The following DUSP22 variants were observed in gnomAD, a reference collection of about 807,000 sequenced individuals.
DUSP22 encodes the protein dual specificity phosphatase 22, also known as dual specificity protein phosphatase 22.
A neutral mutation model predicts 24.5 loss-of-function variants in DUSP22; 24 were observed. The ratio of observed to expected loss-of-function variants is 0.98; its 90% CI spans 0.71 to 1.38. The LOEUF (loss-of-function observed/expected upper bound fraction) is 1.38. Ranked by LOEUF, DUSP22 falls within the 40% of genes most tolerant of loss-of-function variation. The probability of loss-of-function intolerance (pLI) is 0.00; values close to 1 mark genes in which losing one functional copy is unlikely to be tolerated. For missense variants in DUSP22, 330 were observed against 269.2 expected (o/e 1.23, Z -1.58); for synonymous variants, 160 against 106.4 (o/e 1.50, Z -3.10).
At chr6:302,146 G>A (rs755898043) in intron 1 of DUSP22, among the ~76,000 whole-genome samples, 7 of 152,304 alleles carry the variant, frequency 4.6e-5, no homozygotes, top group Admixed American at 1.3e-4. Context: ...TCGCCGTCAC[G>A]GAGGTGAGCA....
At chr6:330,774 C>T (rs1405582401) in intron 3 of DUSP22, among the ~76,000 whole-genome samples, 1 of 152,304 alleles carries the variant, frequency 6.6e-6, no homozygotes, top group Non-Finnish European at 1.5e-5. Flanking sequence ...TTGTTTCTTT[C>T]AAAACCTAAA....
chr6:335,908 C>T (rs1411460994), intron 4 of DUSP22, among the ~76,000 whole-genome samples: 1 of 152,300 alleles, frequency 6.6e-6, no homozygotes, highest in African/African-American at 2.4e-5. Flanking sequence ...GCAGAATAAA[C>T]CTTTGATGTT....
chr6:330,114 C>T (rs1424160599), intron 3 of DUSP22, among the ~76,000 whole-genome samples: 1 of 152,306 alleles, frequency 6.6e-6, no homozygotes, highest in African/African-American at 2.4e-5. Flanking sequence ...AAATAACAGA[C>T]ACCATTGCTG....
chr6:350,940 TAG>T lies in DUSP22; in HGVS notation c.*1992_*1993del. 1 of 1,595,122 alleles carries T rather than the reference TAG, an allele frequency of 6.3e-7. No homozygotes were observed. Among genetic ancestry groups the T allele is most frequent in the Non-Finnish European group, 8.6e-7 (1 of 1,164,300 alleles). On this transcript the variant is annotated 3_prime_UTR_variant, in exon 7 of 7. Coordinates refer to ENST00000419235, the MANE Select transcript of DUSP22 (RefSeq NM_001286555.3). The stretch of plus-strand genomic sequence containing the variant: ...GGTGCTGCCAAAAAGAAAAGCAACA[TAG>T]AGTTTAAGTATCCAGTAGTGATTTG...
At chr6:319,735 G>C (rs1041395113) in intron 3 of DUSP22, among the ~76,000 whole-genome samples, 3 of 152,308 alleles carry the variant, frequency 2.0e-5, no homozygotes, top group Non-Finnish European at 4.4e-5. Flanking sequence ...GACCTGGAAT[G>C]GTTTTCAGAT....
Position 350,928 on chromosome 6 carries a change from A to G in DUSP22, c.*1977A>G. On this transcript the variant is annotated 3_prime_UTR_variant, in exon 7 of 7. Transcript: ENST00000419235. Reference sequence around the variant, plus strand: ...AGAGTTTAGGCTGGTGCTGCCAAAAAGAAAAGCAACATAGAGTTTAAGTAT... The same window carrying G: ...AGAGTTTAGGCTGGTGCTGCCAAAAGGAAAAGCAACATAGAGTTTAAGTAT... 2 of 1,607,552 alleles carry G rather than the reference A, an allele frequency of 1.2e-6. No individual in the cohort carries two copies. The highest frequency in any genetic ancestry group is 1.7e-6 in the Non-Finnish European group (2 of 1,174,942).
intron 3 of DUSP22, among the ~76,000 whole-genome samples, chr6:317,316 C>T (rs567996387): frequency 6.6e-6 from 1 of 152,428 alleles, no homozygotes; most frequent in East Asian, 1.9e-4. Flanking sequence ...GCCACGTGTT[C>T]CTCTTGCTGA....
intron 3 of DUSP22, among the ~76,000 whole-genome samples, chr6:332,165 G>C (rs905368376): frequency 6.4e-4 from 97 of 152,388 alleles, no homozygotes; most frequent in African/African-American, 2.3e-3. Context: ...TTGCAGGGAA[G>C]CTTGTTATCA....
At chr6:324,653 G>A (rs563836038) in intron 3 of DUSP22, among the ~76,000 whole-genome samples, 2 of 152,428 alleles carry the variant, frequency 1.3e-5, no homozygotes, top group East Asian at 1.9e-4. Context: ...CTGGAGGGCA[G>A]CACCCTGCTC....
chr6:341,281 A>T (rs1457543766), intron 4 of DUSP22, among the ~76,000 whole-genome samples: 7 of 152,304 alleles, frequency 4.6e-5, no homozygotes, highest in Non-Finnish European at 1.0e-4. Context: ...ACTGCCGATG[A>T]AACGGAGAGC....
intron 3 of DUSP22, among the ~76,000 whole-genome samples, chr6:317,381 G>T (rs1758381927): frequency 6.6e-6 from 1 of 152,302 alleles, no homozygotes; most frequent in South Asian, 2.1e-4. Flanking sequence ...TGTAAAGCAA[G>T]CCAGAAGCAA....
chr6:328,299 G>T (rs1758978105), intron 3 of DUSP22, among the ~76,000 whole-genome samples: 1 of 152,304 alleles, frequency 6.6e-6, no homozygotes, highest in Non-Finnish European at 1.5e-5. Flanking sequence ...TTTCAGTGGT[G>T]AGACGGAGCT....
chr6:342,300 G>A (rs1759645471), intron 4 of DUSP22, among the ~76,000 whole-genome samples: 1 of 152,300 alleles, frequency 6.6e-6, no homozygotes, highest in Non-Finnish European at 1.5e-5. Flanking sequence ...TGACCAGAAA[G>A]AGACCCACAC....
chr6:312,585 T>C (rs553448991), intron 3 of DUSP22, among the ~76,000 whole-genome samples: 440 of 152,234 alleles, frequency 2.9e-3, no homozygotes, highest in African/African-American at 9.5e-3. Flanking sequence ...TTATTAGCCT[T>C]GACAGAGCCC....
chr6:340,457 T>C (rs1369885375), intron 4 of DUSP22, among the ~76,000 whole-genome samples: 4 of 152,308 alleles, frequency 2.6e-5, no homozygotes, highest in Non-Finnish European at 4.4e-5. Context: ...CTCTCTGTTA[T>C]GAAACCACCT....
intron 5 of DUSP22, among the ~76,000 whole-genome samples, chr6:346,723 A>C (rs1461026187): frequency 6.6e-6 from 1 of 152,308 alleles, no homozygotes; most frequent in African/African-American, 2.4e-5. Context: ...TGGAAGCCTA[A>C]CAGTCTTTTG....
intron 4 of DUSP22, among the ~76,000 whole-genome samples, chr6:338,900 G>T (rs930165222): frequency 3.9e-5 from 6 of 152,306 alleles, no homozygotes; most frequent in Admixed American, 3.9e-4. Context: ...AGTTGCTGCA[G>T]ACTGCCCGGA....
chr6:347,858 T>C (rs1759955225), intron 5 of DUSP22, among the ~76,000 whole-genome samples: 1 of 152,302 alleles, frequency 6.6e-6, no homozygotes. Flanking sequence ...CCACAGCCCA[T>C]AGAAAACCAA....
At chr6:314,711 C>A (rs574176464) in intron 3 of DUSP22, among the ~76,000 whole-genome samples, 1 of 152,302 alleles carries the variant, frequency 6.6e-6, no homozygotes, top group Non-Finnish European at 1.5e-5. Flanking sequence ...CTTTGTGAGC[C>A]GGGAGACATT....
Sources: gnomAD v4.1 joint callset for allele counts (sites outside exome capture counted in the v4.1 genomes callset) on GRCh38, gnomAD v4.1.1 for gene constraint, MANE v1.5 for transcripts, NCBI Gene and HGNC (gene_info 2026-07-23, HGNC 2026-07-21) for gene names.